LTBP1: variants seen among roughly 807,000 people sequenced by gnomAD.
The protein encoded by LTBP1 is latent transforming growth factor beta binding protein 1.
LTBP1 carries 129 observed loss-of-function variants against 207.6 expected under a neutral mutation model. That is an observed-to-expected ratio of 0.62 (90% CI 0.54 to 0.72). LTBP1 has a LOEUF of 0.72. LTBP1 is among the 30% of genes least tolerant of loss of function. The pLI, the probability that LTBP1 is intolerant of heterozygous loss-of-function variation, is 0.00. For missense variants in LTBP1, 2,281 were observed against 2,217.2 expected, an observed-to-expected ratio of 1.03 and a Z score of -0.58; for synonymous variants, 963 against 833.7, an observed-to-expected ratio of 1.16 and a Z score of -2.67.
intron 11 of LTBP1, 130 bp from the exon 12 acceptor site, chr2:33,257,154 T>G (rs1180233606): frequency 1.5e-6 from 1 of 682,386 alleles, no homozygotes; most frequent in African/African-American, 1.8e-5. Context: ...ATTTTGCACC[T>G]GTTTTTGAAG....
chr2:33,189,476 A>G (rs1219011510), intron 7 of LTBP1, among the ~76,000 whole-genome samples: 4 of 152,222 alleles, frequency 2.6e-5, no homozygotes, highest in Admixed American at 6.5e-5. Flanking sequence ...GATTATAGGC[A>G]TGAGCTACCA....
At chr2:32,977,507 G>T (rs1681994871) in intron 2 of LTBP1, among the ~76,000 whole-genome samples, 1 of 152,198 alleles carries the variant, frequency 6.6e-6, no homozygotes, top group Non-Finnish European at 1.5e-5. Flanking sequence ...CCTCTACTGG[G>T]GTTATGTCAC....
chr2:33,158,137 CA>C (rs1160108504), intron 5 of LTBP1, among the ~76,000 whole-genome samples: 4 of 46,816 alleles, frequency 8.5e-5, no homozygotes, highest in Non-Finnish European at 2.0e-4. Flanking sequence ...ACTCTTGTCT[CA>C]AAAAAAAAAC....
chr2:33,065,012 A>G (rs1380102644), intron 3 of LTBP1, among the ~76,000 whole-genome samples: 2 of 152,336 alleles, frequency 1.3e-5, no homozygotes, highest in South Asian at 4.1e-4. Flanking sequence ...TTATTTTACC[A>G]ATCAGTATAA....
intron 2 of LTBP1, among the ~76,000 whole-genome samples, chr2:32,976,101 A>C (rs572488480): frequency 6.6e-6 from 1 of 151,992 alleles, no homozygotes; most frequent in African/African-American, 2.4e-5. Context: ...CTTTGCTGCC[A>C]TTGGGGGTTT....
At position 33,341,729 on chromosome 2, in the gene LTBP1, A is replaced by AAAAATATAT. The variant is rs745445793; in HGVS notation, c.3731-1108_3731-1107insAAATATATA. The stretch of plus-strand genomic sequence containing the variant: ...CCGTCTCACTCAAAAAAAAAAAAAA[A>AAAAATATAT]ATATATATATATATATGTATATTTA... On this transcript the variant is annotated intron_variant, in intron 24 of 33. Coordinates refer to ENST00000404816, the MANE Select transcript of LTBP1 (RefSeq NM_206943.4). Among the ~76,000 whole-genome samples, 98 of 93,616 alleles carry AAAAATATAT rather than the reference A, an allele frequency of 1.0e-3. 1 individual carries two copies. The highest frequency in any genetic ancestry group is 4.2e-3 in the African/African-American group (83 of 19,628). The allele number at this position is 93,616 out of a possible 152,430, so 61.4% of individuals were successfully genotyped here.
At chr2:33,265,282 G>T (rs148731157) in intron 15 of LTBP1, among the ~76,000 whole-genome samples, 1 of 152,140 alleles carries the variant, frequency 6.6e-6, no homozygotes, top group East Asian at 1.9e-4. Context: ...GCACAAATTG[G>T]CAATATGTAT....
chr2:33,228,357 A>C (rs2091570729), intron 9 of LTBP1, among the ~76,000 whole-genome samples: 1 of 152,224 alleles, frequency 6.6e-6, no homozygotes. Context: ...TAAAGTAGGC[A>C]CTATTATACC....
At chr2:33,045,370 A>G (rs534308775) in intron 3 of LTBP1, among the ~76,000 whole-genome samples, 6 of 152,338 alleles carry the variant, frequency 3.9e-5, no homozygotes, top group African/African-American at 1.4e-4. Context: ...TTAAATAGGG[A>G]ATCCTTTCCC....
At chr2:33,002,912 A>C (rs547959610) in intron 2 of LTBP1, among the ~76,000 whole-genome samples, 2 of 152,226 alleles carry the variant, frequency 1.3e-5, no homozygotes, top group East Asian at 3.9e-4. Context: ...TCCTGACCTC[A>C]GGTGATCTGC....
intron 9 of LTBP1, among the ~76,000 whole-genome samples, chr2:33,241,088 T>G (rs1573377221): frequency 6.6e-6 from 1 of 152,232 alleles, no homozygotes; most frequent in African/African-American, 2.4e-5. Context: ...AATCTCTAAT[T>G]TGTAGTAGCT....
In LTBP1 at chr2:32,952,076, T is replaced by C. The variant is rs530129741; in HGVS notation, c.565+3131T>C. ...TCATGTGCAATTGATGCGAAAAAAATTTCTGTGTAAGAGGTTGGAAGTGTT... is the reference window on the plus strand; with the variant it reads ...TCATGTGCAATTGATGCGAAAAAAACTTCTGTGTAAGAGGTTGGAAGTGTT... On this transcript the variant is annotated intron_variant, in intron 2 of 33. Coordinates refer to ENST00000404816, the MANE Select transcript of LTBP1 (RefSeq NM_206943.4). 2.0e-4 allele frequency among the ~76,000 whole-genome samples: 30 copies of C among 152,276 alleles called. 1 individual carries two copies. In the South Asian group the frequency reaches 6.0e-3, roughly 31 times the overall value.
intron 3 of LTBP1, among the ~76,000 whole-genome samples, chr2:33,078,038 T>C (rs2078179967): frequency 6.6e-6 from 1 of 152,192 alleles, no homozygotes; most frequent in Non-Finnish European, 1.5e-5. Context: ...GAGGCCAGTA[T>C]GCAGTTGCAA....
chr2:32,972,080 G>A (rs1324665129), intron 2 of LTBP1, among the ~76,000 whole-genome samples: 1 of 149,476 alleles, frequency 6.7e-6, no homozygotes, highest in South Asian at 2.1e-4. Context: ...TCTAGTTTGT[G>A]TGCATAGAAG....
At chr2:33,211,451 T>G (rs1419050657) in intron 7 of LTBP1, among the ~76,000 whole-genome samples, 1 of 152,172 alleles carries the variant, frequency 6.6e-6, no homozygotes, top group Non-Finnish European at 1.5e-5. Context: ...GTATCTGGGA[T>G]TGGACAAGCA....
At chr2:33,175,695 A>C (rs1037016123) in intron 5 of LTBP1, among the ~76,000 whole-genome samples, 3 of 152,192 alleles carry the variant, frequency 2.0e-5, no homozygotes, top group African/African-American at 7.2e-5. Flanking sequence ...CTATGAAGAC[A>C]CATGCACACG....
At chr2:33,027,287 T>G (rs2075465956) in intron 3 of LTBP1, among the ~76,000 whole-genome samples, 1 of 152,228 alleles carries the variant, frequency 6.6e-6, no homozygotes, top group South Asian at 2.1e-4. Context: ...ATGTACACAT[T>G]GTAAAACGAT....
At chr2:32,948,312 T>A (rs1676582742) in intron 1 of LTBP1, among the ~76,000 whole-genome samples, 1 of 152,222 alleles carries the variant, frequency 6.6e-6, no homozygotes, top group Non-Finnish European at 1.5e-5. Flanking sequence ...TCGCTGCACC[T>A]GTGGGGTCTG....
intron 19 of LTBP1, among the ~76,000 whole-genome samples, chr2:33,286,850 A>C (rs893829665): frequency 6.6e-6 from 1 of 152,184 alleles, no homozygotes; most frequent in Non-Finnish European, 1.5e-5. Context: ...CAAACACCGC[A>C]TGTTCTCACT....
Sources: gnomAD v4.1 joint callset for allele counts (sites outside exome capture counted in the v4.1 genomes callset) on GRCh38, gnomAD v4.1.1 for gene constraint, MANE v1.5 for transcripts, NCBI Gene and HGNC (gene_info 2026-07-23, HGNC 2026-07-21) for gene names.